Variants in CEP72 observed in about 807,000 individuals in gnomAD.
CEP72 encodes the protein centrosomal protein 72.
CEP72 carries 78 observed loss-of-function variants against 65.7 expected under a neutral mutation model. That is an observed-to-expected ratio of 1.19 (90% CI 0.99 to 1.43). The LOEUF (loss-of-function observed/expected upper bound fraction) is 1.43. Among genes scored for constraint, CEP72 ranks in the 40% most tolerant of loss-of-function variants. The probability of loss-of-function intolerance (pLI) is 0.00; values close to 1 mark genes in which losing one functional copy is unlikely to be tolerated. For missense variants in CEP72, 914 were observed against 832.9 expected (o/e 1.10, Z -1.20); for synonymous variants, 358 against 351.7 (o/e 1.02, Z -0.20).
At chr5:665,438 A>C (rs1288460202) in intron 3 of CEP72, 2 of 769,392 alleles carry the variant, frequency 2.6e-6, no homozygotes, top group African/African-American at 1.8e-5. Context: ...TGCCCCTTTT[A>C]ATTCTTATTT....
intron 5 of CEP72, 40 bp from the exon 6 acceptor site, chr5:635,332 C>T: frequency 7.1e-7 from 1 of 1,413,336 alleles, no homozygotes. Flanking sequence ...AAAACTTTTA[C>T]AATGTTTTAT....
intron 9 of CEP72, chr5:643,645 T>C (rs1267179036): frequency 1.0e-6 from 1 of 985,344 alleles, no homozygotes; most frequent in East Asian, 1.1e-4. Flanking sequence ...ATGTGCCTGC[T>C]GGTGCCTGAG....
chr5:616,848 T>A (rs1220622041), intron 1 of CEP72, among the ~76,000 whole-genome samples: 2 of 143,684 alleles, frequency 1.4e-5, no homozygotes, highest in Non-Finnish European at 3.0e-5. Flanking sequence ...GAGTGGGGGT[T>A]TGCTTGCAGG....
Position 624,105 on chromosome 5 carries a change from C to T in CEP72, c.404-366C>T, listed in dbSNP as rs1280060517. Among the ~76,000 whole-genome samples the T allele has an allele frequency of 6.6e-6, 1 of 152,216 alleles. No individual in the cohort carries two copies. The highest frequency in any genetic ancestry group is 1.5e-5 in the Non-Finnish European group (1 of 68,040). On this transcript the variant is annotated intron_variant, in intron 3 of 11. Transcript: ENST00000264935. The surrounding 1 kb of genome is among the most constrained non-coding windows in gnomAD (Gnocchi z 4.7). Reference sequence around the variant, plus strand: ...CCAAAAGGCCTCCTGGAAGTTGCAGCCTCTCGGGCCGGGCAGGCTCCCTCC... The same window carrying T: ...CCAAAAGGCCTCCTGGAAGTTGCAGTCTCTCGGGCCGGGCAGGCTCCCTCC...
Position 624,627 on chromosome 5 carries a change from G to A in CEP72, c.512+48G>A. On this transcript the variant is annotated intron_variant, in intron 4 of 11. Coordinates refer to ENST00000264935, the MANE Select transcript of CEP72 (RefSeq NM_018140.4). The surrounding 1 kb of genome is among the most constrained non-coding windows in gnomAD (Gnocchi z 4.7). ...CACCCAGAGTGTTTCTGACTGGCCT[G>A]CTGTCAGGAGGATTAACCGAACGTC... 1 of 1,296,054 alleles carries A rather than the reference G, an allele frequency of 7.7e-7. No homozygotes were observed. Among genetic ancestry groups the A allele is most frequent in the Non-Finnish European group, 1.1e-6 (1 of 890,286 alleles). The allele number at this position is 1,296,054 out of a possible 1,614,324, so 80.3% of individuals were successfully genotyped here.
At chr5:642,480 A>C in intron 9 of CEP72, 1 of 985,476 alleles carries the variant, frequency 1.0e-6, no homozygotes, top group South Asian at 4.7e-5. Context: ...TTTCTGTGGG[A>C]CACAGTCAGG....
At chr5:648,844 TG>T (rs1304240508) in intron 11 of CEP72, among the ~76,000 whole-genome samples, 11 of 47,250 alleles carry the variant, frequency 2.3e-4, no homozygotes, top group Admixed American at 2.5e-4. Context: ...CTGTGAGGTG[TG>T]GACTGTGAGG....
intron 9 of CEP72, chr5:643,186 CAGAG>C (rs1236344233): frequency 3.1e-6 from 3 of 982,854 alleles, no homozygotes; most frequent in Non-Finnish European, 3.6e-6. Context: ...GTTTGTGCGA[CAGAG>C]GGAGACTTTG....
At chr5:667,599 A>G (rs1375418046), downstream of CEP72, among the ~76,000 whole-genome samples, 2 of 152,220 alleles carry the variant, frequency 1.3e-5, no homozygotes, top group African/African-American at 4.8e-5. Context: ...TGCTCTCAGA[A>G]GACACCGTTA....
downstream of CEP72, among the ~76,000 whole-genome samples, chr5:653,977 CTG>C (rs70955272): frequency 4.0e-5 from 6 of 150,206 alleles, no homozygotes; most frequent in Non-Finnish European, 5.9e-5. Context: ...TGTGCCCTTG[CTG>C]TGTGTGTGTG....
At chr5:642,140 A>C in intron 9 of CEP72, 6 of 928,746 alleles carry the variant, frequency 6.5e-6, no homozygotes, top group Non-Finnish European at 7.7e-6. Context: ...AAGCCTCTGC[A>C]TTTGAACACA....
intron 4 of CEP72, chr5:666,151 G>A (rs763629553): frequency 6.5e-7 from 1 of 1,539,098 alleles, no homozygotes; most frequent in South Asian, 1.1e-5. Flanking sequence ...ACTTAGGGCT[G>A]GGCGCGGGCC....
chr5:620,303 G>A lies in CEP72; in HGVS notation c.403+42G>A, dbSNP rs201838580. 77 of 1,565,192 alleles carry A rather than the reference G, an allele frequency of 4.9e-5. 1 individual carries two copies. The East Asian group carries it at 1.6e-3, about 33-fold the overall frequency. Reference sequence around the variant, plus strand: ...GCCACGCTCATGCTTTTGTCCCCGTGGGGTATGGGAGTCGGGGAGTCGTAG... The same window carrying A: ...GCCACGCTCATGCTTTTGTCCCCGTAGGGTATGGGAGTCGGGGAGTCGTAG... On this transcript the variant is annotated intron_variant, in intron 3 of 11. Transcript: ENST00000264935.
chr5:654,333 C>CTGTG (rs34134289), downstream of CEP72, among the ~76,000 whole-genome samples: 12 of 148,808 alleles, frequency 8.1e-5, no homozygotes, highest in Admixed American at 7.3e-4. Flanking sequence ...TGTGTGTGCG[C>CTGTG]TGTGTGTGCG....
intron 11 of CEP72, among the ~76,000 whole-genome samples, chr5:651,235 A>T (rs1349151664): frequency 1.5e-5 from 1 of 65,544 alleles, no homozygotes. Context: ...GTGAGGTGTG[A>T]CTGAGGCGTG....
At chr5:649,448 T>G (rs147467747) in intron 11 of CEP72, among the ~76,000 whole-genome samples, 3 of 56,704 alleles carry the variant, frequency 5.3e-5, no homozygotes, top group Admixed American at 2.3e-4. Flanking sequence ...GACTGTGAGG[T>G]GTGGACTGTG....
chr5:648,223 G>A (rs1213251222), intron 11 of CEP72, among the ~76,000 whole-genome samples: 1 of 150,590 alleles, frequency 6.6e-6, no homozygotes, highest in Non-Finnish European at 1.5e-5. Flanking sequence ...GGGACTGTGA[G>A]GTATGTGACC....
chr5:633,326 C>G (rs1202245829), intron 4 of CEP72, among the ~76,000 whole-genome samples: 1 of 122,942 alleles, frequency 8.1e-6, no homozygotes, highest in African/African-American at 2.9e-5. Context: ...TTGGCCCAGT[C>G]CTGGTGGGGT....
intron 1 of CEP72, chr5:612,688 C>CAG: frequency 1.1e-6 from 1 of 934,728 alleles, no homozygotes; most frequent in Non-Finnish European, 1.3e-6. Flanking sequence ...TATCGGGTCA[C>CAG]TGGTTCCGTG....
Sources: allele counts gnomAD v4.1 joint callset (sites outside exome capture counted in the v4.1 genomes callset), GRCh38; gene constraint gnomAD v4.1.1; non-coding constraint Gnocchi (gnomAD v3.1); transcripts MANE v1.5; gene names NCBI Gene and HGNC (gene_info 2026-07-23, HGNC 2026-07-21).